Variants in ADGRD1 observed in about 807,000 individuals in gnomAD.
ADGRD1 encodes G-protein coupled receptor 133.
ADGRD1 carries 77 observed loss-of-function variants against 113.4 expected under a neutral mutation model. The ratio of observed to expected loss-of-function variants is 0.68; its 90% CI spans 0.57 to 0.82. The LOEUF is 0.82. Among genes scored for constraint, ADGRD1 ranks in the 40% least tolerant of loss-of-function variants. ADGRD1 has a pLI of 0.00. For missense variants in ADGRD1, 1,036 were observed against 1,139.1 expected (o/e 0.91, Z 1.30); for synonymous variants, 474 against 475.0 (o/e 1.00, Z 0.03).
rs750045616 is a variant in ADGRD1, at chr12:131,120,872, G to A, written c.2134G>A (p.Ala712Thr). 25 of 1,614,104 alleles carry A rather than the reference G, an allele frequency of 1.5e-5. No homozygotes were observed. Among genetic ancestry groups the A allele is most frequent in the Admixed American group, 1.2e-4 (7 of 60,016 alleles). ...TTGCTGGCTGTCGTTGGCGAGTGGC[G>A]CCATCTGGGCCTTTGTAGCCCCTGC... is the stretch of plus-strand genomic sequence containing the variant. The part of the protein sequence containing the change: ...NNCWLSLASG[A>T]IWAFVAPALF... The change falls in exon 20 of 25, where the codon GCC (alanine) becomes ACC (threonine). Residue 712 changes from alanine (A) to threonine (T), a missense_variant. Physicochemically the swap from Ala to Thr is moderately conservative, Grantham distance 58. Coordinates refer to ENST00000261654, the MANE Select transcript of ADGRD1 (RefSeq NM_198827.5).
At chr12:131,111,401 G>A (rs1950344421) in intron 18 of ADGRD1, among the ~76,000 whole-genome samples, 1 of 152,146 alleles carries the variant, frequency 6.6e-6, no homozygotes, top group South Asian at 2.1e-4. Flanking sequence ...CCACTTTTTG[G>A]TGTTTATTGA....
At chr12:131,036,280 T>A (rs969298602) in intron 13 of ADGRD1, among the ~76,000 whole-genome samples, 2 of 151,586 alleles carry the variant, frequency 1.3e-5, no homozygotes, top group African/African-American at 4.9e-5. Flanking sequence ...GCACTGGGTC[T>A]CACTCACTGC....
Position 130,966,506 on chromosome 12 carries a change from G to A in ADGRD1, c.147G>A (p.Glu49=), listed in dbSNP as rs1871006796. The change falls in exon 3 of 25, where the codon GAG becomes GAA. Residue 49 remains glutamate, a synonymous_variant. Coordinates refer to ENST00000261654, the MANE Select transcript of ADGRD1 (RefSeq NM_198827.5). The surrounding 1 kb of genome is among the most constrained non-coding windows in gnomAD (Gnocchi z 4.6). ...CTGCTTCCCATTACTGGCCACTGGA[G>A]AATGTGGATGGGATCCATGAACTTC... The part of the protein sequence containing the change: ...LASASHYWPL[E]NVDGIHELQD... 1 of 1,611,896 alleles carries A rather than the reference G, an allele frequency of 6.2e-7. No homozygotes were observed. The highest frequency in any genetic ancestry group is 1.3e-5 in the African/African-American group (1 of 74,880).
In ADGRD1 at chr12:131,050,797, C is replaced by T. The variant is rs1429839552; in HGVS notation, c.1474-26004C>T. ...ATGAAACTGTTCCCCCTCAGATCAT[C>T]AGGCACTAGACTCTCATGAGGAGCT... On this transcript the variant is annotated intron_variant, in intron 13 of 24. Transcript: ENST00000261654. The surrounding 1 kb of genome is among the most constrained non-coding windows in gnomAD (Gnocchi z 4.8). Among the ~76,000 whole-genome samples the T allele has an allele frequency of 2.6e-5, 4 of 152,172 alleles. No individual in the cohort carries two copies. The highest frequency in any genetic ancestry group is 6.5e-5 in the Admixed American group (1 of 15,280).
At position 131,141,404 on chromosome 12, in the gene ADGRD1, T is replaced by C. The variant is rs1038793883; in HGVS notation, c.*2141T>C. ...TGTTTAGTTTATAGTAGAAGAAAGA[T>C]GATGACACTAAGTTGTGAAAATATG... On this transcript the variant is annotated 3_prime_UTR_variant, in exon 25 of 25. Coordinates refer to ENST00000261654, the MANE Select transcript of ADGRD1 (RefSeq NM_198827.5). The C allele has an allele frequency of 4.6e-5, 7 of 152,238 alleles. No homozygotes were observed. Among genetic ancestry groups the C allele is most frequent in the Non-Finnish European group, 7.3e-5 (5 of 68,034 alleles). 9.4% of individuals were successfully genotyped at this position (152,238 alleles called of 1,614,324 possible).
intron 14 of ADGRD1, among the ~76,000 whole-genome samples, chr12:131,079,632 C>G (rs1196946769): frequency 2.0e-5 from 3 of 152,218 alleles, no homozygotes; most frequent in Admixed American, 2.0e-4. Context: ...AGGTTTTCAA[C>G]TACACATTCA....
chr12:131,114,514 G>C (rs966302495), intron 18 of ADGRD1, among the ~76,000 whole-genome samples: 3 of 152,124 alleles, frequency 2.0e-5, no homozygotes, highest in Admixed American at 6.5e-5. Context: ...CCCAAGAACT[G>C]TGTCTTTCAT....
intron 13 of ADGRD1, among the ~76,000 whole-genome samples, chr12:131,025,027 G>A (rs575013454): frequency 3.9e-5 from 6 of 152,364 alleles, no homozygotes; most frequent in South Asian, 2.1e-4. Context: ...GCTTGATGCC[G>A]TGGATGGAAG....
chr12:130,955,625 G>A (rs577958485), intron 2 of ADGRD1, among the ~76,000 whole-genome samples: 2 of 152,270 alleles, frequency 1.3e-5, no homozygotes, highest in African/African-American at 4.8e-5. Flanking sequence ...GCAGGAGGTG[G>A]GGAGGAGACC....
At chr12:131,013,000 G>T (rs577577944) in intron 12 of ADGRD1, among the ~76,000 whole-genome samples, 34 of 152,328 alleles carry the variant, frequency 2.2e-4, no homozygotes, top group Middle Eastern at 3.4e-3. Flanking sequence ...GCCAGGCAGG[G>T]CTGGGATCAA....
Position 131,105,001 on chromosome 12 carries a change from G to A in ADGRD1, c.1775+67G>A, listed in dbSNP as rs1566113979. Reference sequence around the variant, plus strand: ...CTGCCTGCACCCAGATCTCAAGATGGAAGAGACACGGGAGAGGGGAGGGGC... The same window carrying A: ...CTGCCTGCACCCAGATCTCAAGATGAAAGAGACACGGGAGAGGGGAGGGGC... On this transcript the variant is annotated intron_variant, in intron 16 of 24. Coordinates refer to ENST00000261654, the MANE Select transcript of ADGRD1 (RefSeq NM_198827.5). 17 of 1,128,982 alleles carry A rather than the reference G, an allele frequency of 1.5e-5. No individual in the cohort carries two copies. The South Asian group carries it at 2.1e-4, about 14-fold the overall frequency. 69.9% of individuals were successfully genotyped at this position (1,128,982 alleles called of 1,614,324 possible). A position where few individuals can be genotyped will look rare whatever the true frequency, so the allele number is the denominator to read the frequency against.
intron 8 of ADGRD1, among the ~76,000 whole-genome samples, chr12:130,993,239 C>G (rs1439302796): frequency 6.6e-6 from 1 of 151,996 alleles, no homozygotes; most frequent in Non-Finnish European, 1.5e-5. Context: ...TTAATTCTTA[C>G]TGATTTCCTT....
chr12:131,110,100 G>A (rs893579835), intron 18 of ADGRD1, among the ~76,000 whole-genome samples: 1 of 151,562 alleles, frequency 6.6e-6, no homozygotes, highest in African/African-American at 2.4e-5. Flanking sequence ...TTGAACCTAA[G>A]GTATATCTCC....
chr12:130,969,614 C>T (rs113103335), intron 3 of ADGRD1: 1,810 of 153,230 alleles, frequency 0.012, 35 homozygotes, highest in African/African-American at 0.039. Context: ...AGGGCTCCCC[C>T]GATTCTACGT....
At chr12:130,985,273 A>G (rs775351921) in intron 5 of ADGRD1, among the ~76,000 whole-genome samples, 1 of 152,094 alleles carries the variant, frequency 6.6e-6, no homozygotes, top group South Asian at 2.1e-4. Context: ...GTCCTTTATC[A>G]TGTCTTTTCC....
At chr12:131,103,113 C>A (rs1950132419) in intron 15 of ADGRD1, among the ~76,000 whole-genome samples, 1 of 152,218 alleles carries the variant, frequency 6.6e-6, no homozygotes, top group Admixed American at 6.5e-5. Flanking sequence ...GGAAGTCCAG[C>A]CCCTGGGAAA....
At position 131,084,060 on chromosome 12, in the gene ADGRD1, G is replaced by A. The variant is rs1010435603; in HGVS notation, c.1548-480G>A. 2.6e-5 allele frequency among the ~76,000 whole-genome samples: 4 copies of A among 152,288 alleles called. No individual in the cohort carries two copies. The highest frequency in any genetic ancestry group is 1.9e-4 in the East Asian group (1 of 5,178). ...CAAGGATGTTCTTTTTAACCGATGC[G>A]AGGTCTTTTATCATATTTCTCTCTC... On this transcript the variant is annotated intron_variant, in intron 14 of 24. Coordinates refer to ENST00000261654, the MANE Select transcript of ADGRD1 (RefSeq NM_198827.5). This position sits in a 1 kb window ranked among gnomAD's most constrained non-coding sequence, Gnocchi z 4.5.
intron 19 of ADGRD1, 84 bp downstream of exon 19, chr12:131,118,535 T>A: frequency 1.0e-6 from 1 of 996,974 alleles, no homozygotes; most frequent in Non-Finnish European, 1.5e-6. Context: ...TGCCTTCCTG[T>A]GCTCTTCTGG....
chr12:131,040,006 A>G (rs1481347624), intron 13 of ADGRD1, among the ~76,000 whole-genome samples: 5 of 152,196 alleles, frequency 3.3e-5, no homozygotes, highest in Non-Finnish European at 5.9e-5. Flanking sequence ...AGGGCCACAG[A>G]GGGACCTGGC....
Sources: allele counts gnomAD v4.1 joint callset (sites outside exome capture counted in the v4.1 genomes callset), GRCh38; gene constraint gnomAD v4.1.1; non-coding constraint Gnocchi (gnomAD v3.1); transcripts MANE v1.5; gene names NCBI Gene and HGNC (gene_info 2026-07-23, HGNC 2026-07-21).